Variants in DROSHA observed in about 807,000 individuals in gnomAD.
DROSHA encodes ribonuclease 3.
In DROSHA, 56 loss-of-function variants were observed where a neutral mutation model predicts 181.9. That is an observed-to-expected ratio of 0.31 (90% CI 0.25 to 0.38). DROSHA has a LOEUF of 0.38. Ranked by LOEUF, DROSHA falls within the 10% of genes least tolerant of loss-of-function variation. The probability of loss-of-function intolerance (pLI) is 1.00; values close to 1 mark genes in which losing one functional copy is unlikely to be tolerated. For synonymous variants in DROSHA, 524 were observed against 591.2 expected (o/e 0.89, Z 1.65); for missense variants, 1,218 against 1,743.5 (o/e 0.70, Z 5.37).
In DROSHA at chr5:31,451,341, C is replaced by T. The variant is rs148205290; in HGVS notation, c.2682+192G>A. 4.8e-3 allele frequency among the ~76,000 whole-genome samples: 730 copies of T among 152,290 alleles called. 4 individuals carry two copies. The highest frequency in any genetic ancestry group is 0.017 in the African/African-American group (696 of 41,558). The stretch of plus-strand genomic sequence containing the variant: ...TAGTTTTAGTCAATTTCTTTAGGGA[C>T]GGTCTCACATAAATGTAAGAGAATG... On this transcript the variant is annotated intron_variant, in intron 21 of 35. Coordinates refer to ENST00000344624, the MANE Select transcript of DROSHA (RefSeq NM_001382508.1).
intron 27 of DROSHA, among the ~76,000 whole-genome samples, chr5:31,428,145 C>T (rs761061554): frequency 6.6e-6 from 1 of 152,054 alleles, no homozygotes; most frequent in Non-Finnish European, 1.5e-5. Context: ...GGGAGAGAGG[C>T]AGTTTAAAGA....
chr5:31,504,351 TTTTG>T (rs1175810019), intron 11 of DROSHA, among the ~76,000 whole-genome samples, 200 bp downstream of exon 11: 1 of 152,158 alleles, frequency 6.6e-6, no homozygotes, highest in Non-Finnish European at 1.5e-5. Context: ...CGACTAAAAC[TTTTG>T]TTAAAGTTTC....
chr5:31,430,812 GA>G lies in DROSHA; in HGVS notation c.3145+763del, dbSNP rs567093965. ...TATCATCAGCATGAAACTACAATGG[GA>G]AGCTTTTATATTCATTTTCAAAGGA... is the stretch of plus-strand genomic sequence containing the variant. On this transcript the variant is annotated intron_variant, in intron 26 of 35. Transcript: ENST00000344624. 3.9e-5 allele frequency among the ~76,000 whole-genome samples: 6 copies of G among 152,230 alleles called. No homozygotes were observed. The South Asian group carries it at 8.3e-4, about 21-fold the overall frequency.
In DROSHA at chr5:31,415,111, C is replaced by T. The variant is rs56998154; in HGVS notation, c.3526-4224G>A. On this transcript the variant is annotated intron_variant, in intron 30 of 35. Coordinates refer to ENST00000344624, the MANE Select transcript of DROSHA (RefSeq NM_001382508.1). ...AACTTTCATAAGAAAAAGATTTATT[C>T]GTTTAAATAAAACATACATATTGAC... is the stretch of plus-strand genomic sequence containing the variant. Among the ~76,000 whole-genome samples the T allele has an allele frequency of 6.4e-3, 970 of 152,238 alleles. 9 individuals are homozygous for T. Among genetic ancestry groups the T allele is most frequent in the African/African-American group, 0.022 (930 of 41,548 alleles).
chr5:31,449,975 C>A (rs540418535), intron 21 of DROSHA, among the ~76,000 whole-genome samples: 2 of 151,906 alleles, frequency 1.3e-5, no homozygotes, highest in East Asian at 3.9e-4. Flanking sequence ...AAAATAATAA[C>A]AATAATAATC....
rs556962161 is a variant in DROSHA at position 31,439,685 on chromosome 5, C to T, written c.2883-2387G>A. ...AACATAGTACATAAAGGGTTATGTA[C>T]TATCTTTGGTTTTATGCACTCACTA... On this transcript the variant is annotated intron_variant, in intron 23 of 35. Coordinates refer to ENST00000344624, the MANE Select transcript of DROSHA (RefSeq NM_001382508.1). Among the ~76,000 whole-genome samples, 7 of 152,156 alleles carry T rather than the reference C, an allele frequency of 4.6e-5. 1 individual carries two copies. Among genetic ancestry groups the T allele is most frequent in the African/African-American group, 1.7e-4 (7 of 41,504 alleles).
chr5:31,515,566 TAAAAGA>T lies in DROSHA; in HGVS notation c.948-8_948-3del, dbSNP rs753794771. ...GGAACAACCGATAAACCGTAACTCC[TAAAAGA>T]AAAAGATATTTGCAAAATGTTTGGA... On this transcript the variant is annotated splice_region_variant and splice_polypyrimidine_tract_variant and intron_variant, in intron 6 of 35. Coordinates refer to ENST00000344624, the MANE Select transcript of DROSHA (RefSeq NM_001382508.1). The T allele has an allele frequency of 2.6e-6, 4 of 1,551,102 alleles. No homozygotes were observed. In the African/African-American group the frequency reaches 5.5e-5, roughly 21 times the overall value.
intron 20 of DROSHA, among the ~76,000 whole-genome samples, chr5:31,457,441 T>C (rs1486360950): frequency 6.6e-6 from 1 of 152,080 alleles, no homozygotes; most frequent in Non-Finnish European, 1.5e-5. Context: ...CAAGCCATTT[T>C]TAAAAGATAG....
intron 20 of DROSHA, among the ~76,000 whole-genome samples, chr5:31,455,778 C>G (rs899810995): frequency 3.3e-5 from 5 of 151,938 alleles, no homozygotes; most frequent in East Asian, 3.9e-4. Context: ...GTAGCTGGGA[C>G]CACAGGTGTG....
At chr5:31,425,923 A>C (rs1312965475) in intron 27 of DROSHA, among the ~76,000 whole-genome samples, 1 of 152,154 alleles carries the variant, frequency 6.6e-6, no homozygotes, top group Non-Finnish European at 1.5e-5. Flanking sequence ...CAATGCACTC[A>C]AAGTATTAAA....
At position 31,431,389 on chromosome 5, in the gene DROSHA, AG is replaced by A. The variant is rs370581621; in HGVS notation, c.3145+186del. Among the ~76,000 whole-genome samples, 418 of 143,148 alleles carry A rather than the reference AG, an allele frequency of 2.9e-3. 4 individuals carry two copies. Among genetic ancestry groups the A allele is most frequent in the African/African-American group, 3.9e-3 (147 of 37,858 alleles). 93.9% of individuals were successfully genotyped at this position (143,148 alleles called of 152,430 possible). A position where few individuals can be genotyped will look rare whatever the true frequency, so the allele number is the denominator to read the frequency against. ...TGCAAAAAAAAAAAAAAAAAAAAAAAGAGGCATGTTCACTGCTCTGAAGGAA... is the reference window on the plus strand; with the variant it reads ...TGCAAAAAAAAAAAAAAAAAAAAAAAAGGCATGTTCACTGCTCTGAAGGAA... On this transcript the variant is annotated intron_variant, in intron 26 of 35. Coordinates refer to ENST00000344624, the MANE Select transcript of DROSHA (RefSeq NM_001382508.1).
Position 31,517,938 on chromosome 5 carries a change from T to G in DROSHA, c.948-2374A>C, listed in dbSNP as rs1014300025. ...TAATAACTAAAAAAAAAAGAAAAAG[T>G]ACTTTAACTGAAGTTACGTTAAAAT... On this transcript the variant is annotated intron_variant, in intron 6 of 35. Transcript: ENST00000344624. Among the ~76,000 whole-genome samples, 8 of 152,206 alleles carry G rather than the reference T, an allele frequency of 5.3e-5. 1 individual carries two copies. In the South Asian group the frequency reaches 1.7e-3, roughly 32 times the overall value.
rs548048484 is a variant in DROSHA, at chr5:31,514,725, G to A, written c.1290+263C>T. Among the ~76,000 whole-genome samples the A allele has an allele frequency of 8.5e-5, 13 of 152,088 alleles. No individual in the cohort carries two copies. The highest frequency in any genetic ancestry group is 1.8e-4 in the Non-Finnish European group (12 of 68,008). ...CTCTTGGCTTTTAGCTTTTTAAAAC[G>A]GCTTTTGTCTGTAACAGTGATTCTC... On this transcript the variant is annotated intron_variant, in intron 8 of 35. Coordinates refer to ENST00000344624, the MANE Select transcript of DROSHA (RefSeq NM_001382508.1). The surrounding 1 kb of genome is among the most constrained non-coding windows in gnomAD (Gnocchi z 4.4).
At chr5:31,457,856 G>A (rs1269620010) in intron 20 of DROSHA, among the ~76,000 whole-genome samples, 2 of 152,114 alleles carry the variant, frequency 1.3e-5, no homozygotes, top group African/African-American at 4.8e-5. Context: ...CAGTGTCACT[G>A]TACTCCAGCC....
Position 31,526,392 on chromosome 5 carries a change from T to C in DROSHA, c.541A>G (p.Ser181Gly), listed in dbSNP as rs1007677816. ...GGGTTGTTCTGGAAACTATTAAAAC[T>C]GGGAGGTGGGAAGTTGTGGTGAGAA... ...GYSHHNFPPP[S>G]FNSFQNNPSS... The change falls in exon 5 of 36, where the codon AGT becomes GGT. Residue 181 changes from serine to glycine, a missense_variant. By Grantham distance (56) the Ser-to-Gly change is moderately conservative. This residue lies in a region of DROSHA where 536 missense variants were observed against 535.4 expected (regional missense o/e 1.00). Transcript: ENST00000344624. The C allele has an allele frequency of 1.9e-6, 3 of 1,610,722 alleles. No individual in the cohort carries two copies. Among genetic ancestry groups the C allele is most frequent in the Admixed American group, 1.7e-5 (1 of 59,554 alleles).
intron 35 of DROSHA, among the ~76,000 whole-genome samples, chr5:31,405,375 CAA>C (rs554435489): frequency 1.5e-4 from 18 of 119,778 alleles, no homozygotes; most frequent in Non-Finnish European, 1.3e-4. Context: ...AACTCCATCT[CAA>C]AAAAAAAAAA....
At chr5:31,477,613 A>C (rs1177499332) in intron 16 of DROSHA, among the ~76,000 whole-genome samples, 1 of 152,226 alleles carries the variant, frequency 6.6e-6, no homozygotes, top group African/African-American at 2.4e-5. Context: ...AATTTCAAAG[A>C]ATCAATTTTC....
chr5:31,430,227 T>C (rs1744005171), intron 26 of DROSHA, among the ~76,000 whole-genome samples: 1 of 152,350 alleles, frequency 6.6e-6, no homozygotes, highest in East Asian at 1.9e-4. Flanking sequence ...CTAAAGACAT[T>C]CATTATTTAT....
Position 31,460,628 on chromosome 5 carries a change from T to C in DROSHA, c.2574+3608A>G, listed in dbSNP as rs561223125. Among the ~76,000 whole-genome samples, 3 of 152,226 alleles carry C rather than the reference T, an allele frequency of 2.0e-5. No homozygotes were observed. The East Asian group carries it at 5.8e-4, about 29-fold the overall frequency. On this transcript the variant is annotated intron_variant, in intron 20 of 35. Transcript: ENST00000344624. The stretch of plus-strand genomic sequence containing the variant: ...AAAACTACCAAGGATTTTAAATAAA[T>C]CCTTTCTTGTAAAAATTATGAGCCT...
Sources: allele counts gnomAD v4.1 joint callset (sites outside exome capture counted in the v4.1 genomes callset), GRCh38; gene constraint gnomAD v4.1.1; regional missense constraint gnomAD v4.1.1; non-coding constraint Gnocchi (gnomAD v3.1); transcripts MANE v1.5; gene names NCBI Gene and HGNC (gene_info 2026-07-23, HGNC 2026-07-21).